The following CTNNA2 variants were observed in gnomAD, a reference collection of about 807,000 sequenced individuals.
CTNNA2 encodes catenin alpha-2.
In CTNNA2, 42 loss-of-function variants were observed where a neutral mutation model predicts 101.0. The observed-to-expected ratio is 0.42, with a 90% CI of 0.32 to 0.54. The LOEUF is 0.54. Ranked by LOEUF, CTNNA2 falls within the 20% of genes least tolerant of loss-of-function variation. CTNNA2 has a pLI of 0.14. For missense variants in CTNNA2, 871 were observed against 1,223.1 expected, an observed-to-expected ratio of 0.71 and a Z score of 4.29; for synonymous variants, 450 against 456.4, an observed-to-expected ratio of 0.99 and a Z score of 0.18.
intron 2 of CTNNA2, among the ~76,000 whole-genome samples, chr2:79,251,748 T>A (rs1034477136): frequency 1.3e-5 from 2 of 152,130 alleles, no homozygotes; most frequent in Non-Finnish European, 2.9e-5. Context: ...GGCCTGGACA[T>A]GACTGCAGCC....
At chr2:79,787,041 T>A (rs1237858287) in intron 3 of CTNNA2, among the ~76,000 whole-genome samples, 2 of 152,150 alleles carry the variant, frequency 1.3e-5, no homozygotes, top group East Asian at 3.8e-4. Context: ...TTCCTGCCTC[T>A]GTGTTCTTCA....
intron 7 of CTNNA2, among the ~76,000 whole-genome samples, chr2:80,052,799 A>G (rs771092091): frequency 3.3e-5 from 5 of 152,196 alleles, no homozygotes; most frequent in Non-Finnish European, 4.4e-5. Flanking sequence ...TGCTCTGACC[A>G]TTTGAGACAA....
chr2:79,436,883 G>A (rs890783291), intron 4 of CTNNA2, among the ~76,000 whole-genome samples: 3 of 151,838 alleles, frequency 2.0e-5, no homozygotes, highest in Non-Finnish European at 2.9e-5. Context: ...CACCCTCCTC[G>A]GCCTCCCAAA....
At chr2:80,107,688 C>T (rs990439093) in intron 7 of CTNNA2, among the ~76,000 whole-genome samples, 14 of 152,178 alleles carry the variant, frequency 9.2e-5, no homozygotes, top group Non-Finnish European at 1.8e-4. Context: ...GGCAGAGGGC[C>T]GTCACCCCAC....
chr2:79,654,857 G>A (rs1195476960), intron 2 of CTNNA2, among the ~76,000 whole-genome samples: 1 of 151,828 alleles, frequency 6.6e-6, no homozygotes, highest in East Asian at 1.9e-4. Flanking sequence ...CACCTACTCA[G>A]ATTGTACCCT....
chr2:80,306,303 A>G (rs1198093146), intron 7 of CTNNA2, among the ~76,000 whole-genome samples: 1 of 152,232 alleles, frequency 6.6e-6, no homozygotes. Flanking sequence ...GACTAAACTG[A>G]GGCCAAGAGA....
intron 1 of CTNNA2, among the ~76,000 whole-genome samples, chr2:79,584,535 T>TC (rs1389561476): frequency 1.1e-4 from 17 of 151,560 alleles, no homozygotes; most frequent in Non-Finnish European, 2.2e-4. Flanking sequence ...TTTTTTTTTT[T>TC]CTTTTTTTGA....
chr2:79,921,347 G>A (rs1432366048), intron 7 of CTNNA2, among the ~76,000 whole-genome samples: 1 of 152,140 alleles, frequency 6.6e-6, no homozygotes, highest in Non-Finnish European at 1.5e-5. Context: ...AAATCATCAA[G>A]TGAAATATCT....
chr2:79,982,392 T>C (rs1452313781), intron 7 of CTNNA2, among the ~76,000 whole-genome samples: 1 of 141,472 alleles, frequency 7.1e-6, no homozygotes, highest in Non-Finnish European at 1.5e-5. Context: ...ATAACATATA[T>C]AACATATATA....
chr2:79,381,724 AT>A (rs1678041149), intron 4 of CTNNA2, among the ~76,000 whole-genome samples: 1 of 152,182 alleles, frequency 6.6e-6, no homozygotes. Context: ...CTCTCTGTCT[AT>A]CCAGTGATCA....
chr2:80,295,674 A>G (rs1675679288), intron 7 of CTNNA2, among the ~76,000 whole-genome samples: 1 of 152,254 alleles, frequency 6.6e-6, no homozygotes, highest in Non-Finnish European at 1.5e-5. Context: ...AAAAGTAGAC[A>G]CAGAGACCAA....
In CTNNA2 at chr2:79,652,238, A is replaced by AT. The variant is rs201106493; in HGVS notation, c.102+596dup. Reference sequence around the variant, plus strand: ...TTAACTCTGAGATTCCTGGGATGTGATTTTTTTTTTTTTTTTACCAAATTA... The same window carrying AT: ...TTAACTCTGAGATTCCTGGGATGTGATTTTTTTTTTTTTTTTTACCAAATTA... On this transcript the variant is annotated intron_variant, in intron 2 of 18. Transcript: ENST00000402739. Among the ~76,000 whole-genome samples, 389 of 144,234 alleles carry AT rather than the reference A, an allele frequency of 2.7e-3. 1 individual carries two copies. Among genetic ancestry groups the AT allele is most frequent in the Middle Eastern group, 0.011 (3 of 272 alleles). 94.6% of individuals were successfully genotyped at this position (144,234 alleles called of 152,430 possible). A position where few individuals can be genotyped will look rare whatever the true frequency, so the allele number is the denominator to read the frequency against.
chr2:80,433,431 A>T (rs1681729005), intron 9 of CTNNA2, among the ~76,000 whole-genome samples: 1 of 152,042 alleles, frequency 6.6e-6, no homozygotes, highest in African/African-American at 2.4e-5. Flanking sequence ...GGCAATAAGG[A>T]ATTAAAGCGG....
At chr2:79,681,098 T>C (rs1683533945) in intron 2 of CTNNA2, among the ~76,000 whole-genome samples, 1 of 152,168 alleles carries the variant, frequency 6.6e-6, no homozygotes, top group African/African-American at 2.4e-5. Context: ...GAGGCTGTAG[T>C]GAGTTAAGAT....
In CTNNA2 at chr2:80,609,624, G is replaced by A. The variant is rs1167900756; in HGVS notation, c.2430+1306G>A. ...ATCAAATCATTGCATCTTCCTTGCTGCCTTTCTTATCTTCAGCCTTGATGG... is the reference window on the plus strand; with the variant it reads ...ATCAAATCATTGCATCTTCCTTGCTACCTTTCTTATCTTCAGCCTTGATGG... On this transcript the variant is annotated intron_variant, in intron 17 of 18. Transcript: ENST00000402739. 4.0e-5 allele frequency among the ~76,000 whole-genome samples: 6 copies of A among 151,724 alleles called. No homozygotes were observed. The South Asian group carries it at 1.0e-3, about 26-fold the overall frequency.
At chr2:79,496,813 TA>T (rs1216162260) in intron 4 of CTNNA2, among the ~76,000 whole-genome samples, 3 of 151,866 alleles carry the variant, frequency 2.0e-5, no homozygotes, top group East Asian at 3.9e-4. Flanking sequence ...GACTTTAAAA[TA>T]AAAAAATATT....
intron 7 of CTNNA2, among the ~76,000 whole-genome samples, chr2:80,136,316 C>G (rs980270877): frequency 3.3e-5 from 5 of 152,148 alleles, no homozygotes; most frequent in Non-Finnish European, 5.9e-5. Flanking sequence ...ACCTCTCAGC[C>G]TTAGCATCTG....
chr2:79,573,594 A>C (rs1227777149), intron 1 of CTNNA2, among the ~76,000 whole-genome samples: 1 of 152,274 alleles, frequency 6.6e-6, no homozygotes, highest in Non-Finnish European at 1.5e-5. Flanking sequence ...TCACATTTCC[A>C]ATAAATTAAA....
intron 7 of CTNNA2, among the ~76,000 whole-genome samples, chr2:80,390,808 G>A (rs947593763): frequency 7.9e-5 from 12 of 151,994 alleles, no homozygotes; most frequent in Admixed American, 7.2e-4. Flanking sequence ...TTTTCAACAT[G>A]GATTTATTTG....
Sources: allele counts gnomAD v4.1 joint callset (sites outside exome capture counted in the v4.1 genomes callset), GRCh38; gene constraint gnomAD v4.1.1; transcripts MANE v1.5; gene names NCBI Gene and HGNC (gene_info 2026-07-23, HGNC 2026-07-21).